The following KCTD16 variants were observed in gnomAD, a reference collection of about 807,000 sequenced individuals.
KCTD16 encodes potassium channel tetramerization domain containing 16.
A neutral mutation model predicts 33.2 loss-of-function variants in KCTD16; 13 were observed. The ratio of observed to expected loss-of-function variants is 0.39; its 90% CI spans 0.25 to 0.62. The LOEUF (loss-of-function observed/expected upper bound fraction) is 0.62. Among genes scored for constraint, KCTD16 ranks in the 20% least tolerant of loss-of-function variants. The pLI is 0.50. For synonymous variants in KCTD16, 197 were observed against 195.3 expected, an observed-to-expected ratio of 1.01 and a Z score of -0.07; for missense variants, 441 against 525.1, an observed-to-expected ratio of 0.84 and a Z score of 1.57.
chr5:144,190,573 ATTCCTT>A (rs968386789), intron 2 of KCTD16, among the ~76,000 whole-genome samples: 1 of 152,136 alleles, frequency 6.6e-6, no homozygotes, highest in Non-Finnish European at 1.5e-5. Flanking sequence ...TTGAATGAAA[ATTCCTT>A]TCTTTACTAT....
chr5:144,280,063 C>T (rs891189024), intron 3 of KCTD16, among the ~76,000 whole-genome samples: 7 of 152,056 alleles, frequency 4.6e-5, no homozygotes, highest in Non-Finnish European at 7.4e-5. Context: ...CTGGATTTGA[C>T]TTTTTAATAT....
intron 3 of KCTD16, among the ~76,000 whole-genome samples, chr5:144,472,045 C>T (rs1754488206): frequency 6.6e-6 from 1 of 152,112 alleles, no homozygotes; most frequent in Non-Finnish European, 1.5e-5. Flanking sequence ...AGTTTTCATT[C>T]TAAGTTTTCT....
intron 3 of KCTD16, among the ~76,000 whole-genome samples, chr5:144,350,352 A>G (rs1751389442): frequency 6.6e-6 from 1 of 152,192 alleles, no homozygotes; most frequent in Non-Finnish European, 1.5e-5. Context: ...AAAAATAAAT[A>G]TTATCTCATT....
intron 3 of KCTD16, among the ~76,000 whole-genome samples, chr5:144,404,907 T>A (rs1439583839): frequency 6.6e-6 from 1 of 152,210 alleles, no homozygotes; most frequent in Non-Finnish European, 1.5e-5. Flanking sequence ...GAGTGCTATC[T>A]GTGATGTCAG....
At chr5:144,415,695 T>C (rs988746333) in intron 3 of KCTD16, among the ~76,000 whole-genome samples, 17 of 152,238 alleles carry the variant, frequency 1.1e-4, no homozygotes, top group Non-Finnish European at 1.5e-5. Flanking sequence ...GAGGCCTTTC[T>C]ATTTTCCATG....
chr5:144,325,280 T>C (rs982260229), intron 3 of KCTD16, among the ~76,000 whole-genome samples: 1 of 152,148 alleles, frequency 6.6e-6, no homozygotes, highest in Non-Finnish European at 1.5e-5. Flanking sequence ...CTTATCAAGA[T>C]TTCTGATGGA....
chr5:144,182,640 C>G (rs979465493), intron 2 of KCTD16, among the ~76,000 whole-genome samples: 1 of 151,876 alleles, frequency 6.6e-6, no homozygotes, highest in Non-Finnish European at 1.5e-5. Flanking sequence ...GGTGCTTTTA[C>G]CACACACACA....
At chr5:144,391,723 G>A (rs1249082880) in intron 3 of KCTD16, among the ~76,000 whole-genome samples, 2 of 152,194 alleles carry the variant, frequency 1.3e-5, no homozygotes, top group African/African-American at 4.8e-5. Context: ...AATAATGGAT[G>A]AAAATATTCT....
At chr5:144,271,703 G>A (rs977040977) in intron 3 of KCTD16, among the ~76,000 whole-genome samples, 1 of 151,534 alleles carries the variant, frequency 6.6e-6, no homozygotes, top group Non-Finnish European at 1.5e-5. Flanking sequence ...AAAGGAAGAA[G>A]TAAAATTATC....
chr5:144,261,855 T>C (rs1198530166), intron 3 of KCTD16, among the ~76,000 whole-genome samples: 2 of 152,208 alleles, frequency 1.3e-5, no homozygotes, highest in Non-Finnish European at 2.9e-5. Context: ...TTCTCACTTA[T>C]CTGTCCCAAA....
chr5:144,394,968 C>G (rs896695270), intron 3 of KCTD16, among the ~76,000 whole-genome samples: 5 of 152,188 alleles, frequency 3.3e-5, no homozygotes, highest in Non-Finnish European at 1.5e-5. Context: ...TAGCCGGAAA[C>G]TAGTCTTGCT....
At chr5:144,357,934 TG>T (rs1300939834) in intron 3 of KCTD16, among the ~76,000 whole-genome samples, 1 of 152,062 alleles carries the variant, frequency 6.6e-6, no homozygotes, top group Non-Finnish European at 1.5e-5. Context: ...TATTTATTTA[TG>T]TTTTTAGAGA....
intron 3 of KCTD16, among the ~76,000 whole-genome samples, chr5:144,409,230 C>A (rs1335878590): frequency 6.6e-6 from 1 of 152,036 alleles, no homozygotes; most frequent in East Asian, 1.9e-4. Flanking sequence ...AAAATGAAAA[C>A]AATTTGAAGC....
chr5:144,211,436 C>T (rs1335318931), intron 3 of KCTD16, among the ~76,000 whole-genome samples: 1 of 152,102 alleles, frequency 6.6e-6, no homozygotes, highest in African/African-American at 2.4e-5. Context: ...TTCTTGAGCA[C>T]CAGCATGATG....
chr5:144,316,265 G>A (rs1751909966), intron 3 of KCTD16, among the ~76,000 whole-genome samples: 1 of 152,076 alleles, frequency 6.6e-6, no homozygotes, highest in Non-Finnish European at 1.5e-5. Flanking sequence ...CATCTGCCTG[G>A]ACTTCTTACA....
At chr5:144,199,833 C>G (rs1753009095) in intron 2 of KCTD16, among the ~76,000 whole-genome samples, 1 of 145,304 alleles carries the variant, frequency 6.9e-6, no homozygotes, top group Non-Finnish European at 1.5e-5. Flanking sequence ...TCCCCTGATT[C>G]AGCCTCCCGT....
chr5:144,354,345 GC>G (rs1167991075), intron 3 of KCTD16, among the ~76,000 whole-genome samples: 1 of 151,874 alleles, frequency 6.6e-6, no homozygotes. Context: ...AAGCTTTATT[GC>G]CATGGACTCC....
In KCTD16 at chr5:144,388,842, C is replaced by T. The variant is rs569581958; in HGVS notation, c.833-84818C>T. ...ACACAGAATACATCAGTGAACAAAA[C>T]AAAGACTTTGTTCTCGTGAAACTCA... On this transcript the variant is annotated intron_variant, in intron 3 of 3. Coordinates refer to ENST00000512467, the MANE Select transcript of KCTD16 (RefSeq NM_020768.4). Among the ~76,000 whole-genome samples, 24 of 152,254 alleles carry T rather than the reference C, an allele frequency of 1.6e-4. No individual in the cohort carries two copies. In the South Asian group the frequency reaches 4.8e-3, roughly 30 times the overall value.
chr5:144,180,447 AAAAC>A (rs762896152), intron 2 of KCTD16, among the ~76,000 whole-genome samples: 56 of 152,328 alleles, frequency 3.7e-4, no homozygotes, highest in African/African-American at 7.9e-4. Context: ...CTTGTAAAGA[AAAAC>A]AAACAAACAA....
Sources: gnomAD v4.1 joint callset for allele counts (sites outside exome capture counted in the v4.1 genomes callset) on GRCh38, gnomAD v4.1.1 for gene constraint, MANE v1.5 for transcripts, NCBI Gene and HGNC (gene_info 2026-07-23, HGNC 2026-07-21) for gene names.